Variants in PPIL1 observed in about 807,000 individuals in gnomAD.
The protein encoded by PPIL1 is peptidyl-prolyl cis-trans isomerase-like 1.
Under a neutral mutation model 19.4 loss-of-function variants are expected in PPIL1, and 14 were observed. The observed-to-expected ratio is 0.72, with a 90% CI of 0.48 to 1.13. The LOEUF is 1.13. PPIL1 is among the 50% of genes most tolerant of loss of function. PPIL1 has a pLI of 0.00. For missense variants in PPIL1, 192 were observed against 218.0 expected, an observed-to-expected ratio of 0.88 and a Z score of 0.75; for synonymous variants, 72 against 73.6, an observed-to-expected ratio of 0.98 and a Z score of 0.11.
rs115743432 is a variant in PPIL1 at position 36,856,497 on chromosome 6, G to A, written c.280+89C>T. On this transcript the variant is annotated intron_variant, in intron 3 of 3. Coordinates refer to ENST00000373699, the MANE Select transcript of PPIL1 (RefSeq NM_016059.5). ...GGGCAGCTATCTGGCACCATGCCAC[G>A]GTGTCAGGCATTCACCTTGAATCAT... is the stretch of plus-strand genomic sequence containing the variant. 2.6e-3 allele frequency: 3,071 copies of A among 1,195,762 alleles called. 38 individuals are homozygous for A. Among genetic ancestry groups the A allele is most frequent in the African/African-American group, 0.017 (1,141 of 67,266 alleles). The allele number at this position is 1,195,762 out of a possible 1,614,324, so 74.1% of individuals were successfully genotyped here.
At chr6:36,856,460 G>T in intron 3 of PPIL1, 126 bp downstream of exon 3, 1 of 839,984 alleles carries the variant, frequency 1.2e-6, no homozygotes, top group Non-Finnish European at 1.9e-6. Flanking sequence ...GGCACTTCAT[G>T]GCGCCATGGC....
In PPIL1 at chr6:36,855,563, T is replaced by G. The variant is rs1298588400; in HGVS notation, c.*250A>C. The G allele has an allele frequency of 1.9e-6, 1 of 517,654 alleles. No individual in the cohort carries two copies. The highest frequency in any genetic ancestry group is 1.9e-5 in the African/African-American group (1 of 52,072). 32.1% of individuals were successfully genotyped at this position (517,654 alleles called of 1,614,324 possible). ...AAGAAGCAGCATTATGGTTCATGTG[T>G]AGTAAGTAGTCACCTATTGATAAAC... is the stretch of plus-strand genomic sequence containing the variant. On this transcript the variant is annotated 3_prime_UTR_variant, in exon 4 of 4. Coordinates refer to ENST00000373699, the MANE Select transcript of PPIL1 (RefSeq NM_016059.5).
At chr6:36,858,073 A>AT (rs1774203869) in intron 2 of PPIL1, among the ~76,000 whole-genome samples, 1 of 151,348 alleles carries the variant, frequency 6.6e-6, no homozygotes, top group African/African-American at 2.4e-5. Context: ...TACTAAAAAT[A>AT]CAAAAAAAAA....
chr6:36,856,553 T>C (rs1774171291), intron 3 of PPIL1, 33 bp downstream of exon 3: 1 of 1,590,092 alleles, frequency 6.3e-7, no homozygotes, highest in African/African-American at 1.3e-5. Context: ...AAAATCCCCG[T>C]TCCTACCCAG....
rs145991844 is a variant in PPIL1 at position 36,855,873 on chromosome 6, T to A, written c.441A>T (p.Thr147=). ...CGTCCACAGGGCGGTCCTGGGAGTT[T>A]GTTTCTACCATTCCCACGCGATTCA... ...GMVNRVGMVE[T]NSQDRPVDDV... Residue 147 remains threonine, a synonymous_variant, in exon 4 of 4, where the codon ACA becomes ACT. Transcript: ENST00000373699. 34 of 1,614,014 alleles carry A rather than the reference T, an allele frequency of 2.1e-5. No individual in the cohort carries two copies. The African/African-American group carries it at 4.1e-4, about 20-fold the overall frequency.
intron 2 of PPIL1, chr6:36,858,423 T>C (rs185522498): frequency 1.3e-5 from 2 of 152,320 alleles, no homozygotes; most frequent in Admixed American, 1.3e-4. Context: ...AAGTAAACAC[T>C]GGATTGGTAC....
chr6:36,865,297 CCT>C (rs1774371548), intron 2 of PPIL1, among the ~76,000 whole-genome samples: 1 of 152,208 alleles, frequency 6.6e-6, no homozygotes, highest in Non-Finnish European at 1.5e-5. Context: ...CCAAATGGTC[CCT>C]GAGTCATGCT....
chr6:36,865,918 A>G (rs1268669121), intron 2 of PPIL1, among the ~76,000 whole-genome samples: 2 of 152,256 alleles, frequency 1.3e-5, no homozygotes. Context: ...TAAAATTAAC[A>G]GAGCTTGCTG....
rs1476561054 is a variant in PPIL1 at position 36,866,568 on chromosome 6, T to A, written c.211+5150A>T. ...TGAAGATCTTTTGAGTGATTCAATT[T>A]CATTAAAATTACACCATGGAAATGT... On this transcript the variant is annotated intron_variant, in intron 2 of 3. Transcript: ENST00000373699. Among the ~76,000 whole-genome samples the A allele has an allele frequency of 4.6e-5, 7 of 152,146 alleles. 1 individual carries two copies. Among genetic ancestry groups the A allele is most frequent in the Non-Finnish European group, 7.3e-5 (5 of 68,028 alleles).
chr6:36,858,570 A>T (rs1224175289), intron 2 of PPIL1: 2 of 152,214 alleles, frequency 1.3e-5, no homozygotes, highest in Non-Finnish European at 2.9e-5. Flanking sequence ...TTTACCTTTT[A>T]GTCGGCTTCA....
At chr6:36,872,754 T>G (rs1443000895) in intron 1 of PPIL1, among the ~76,000 whole-genome samples, 2 of 152,164 alleles carry the variant, frequency 1.3e-5, no homozygotes, top group Non-Finnish European at 2.9e-5. Flanking sequence ...ACTACAGGCA[T>G]GCATCACCAA....
intron 2 of PPIL1, among the ~76,000 whole-genome samples, chr6:36,859,844 T>TGTGTGTGTGTGTGTGTGTGTGTGTG (rs1554132501): frequency 1.9e-4 from 28 of 150,368 alleles, no homozygotes; most frequent in Middle Eastern, 3.4e-3. Flanking sequence ...TGTGTGTGTG[T>TGTGTGTGTGTGTGTGTGTGTGTGTG]TTTGAGACAG....
intron 2 of PPIL1, among the ~76,000 whole-genome samples, chr6:36,858,231 C>CAA (rs55719434): frequency 0.07 from 4,744 of 67,988 alleles, 235 homozygotes; most frequent in Non-Finnish European, 0.085. Context: ...AAGACTGTCT[C>CAA]AAAAAAAAAA....
chr6:36,874,702 C>T lies in PPIL1; in HGVS notation c.56+15G>A. On this transcript the variant is annotated intron_variant, in intron 1 of 3. Transcript: ENST00000373699. ...GCGTCTCCTCTGCCAGCCCCAGACGCCCGAACCCCCTCACCTGGTCTCCAA... is the reference window on the plus strand; with the variant it reads ...GCGTCTCCTCTGCCAGCCCCAGACGTCCGAACCCCCTCACCTGGTCTCCAA... 6.2e-7 allele frequency: 1 copy of T among 1,613,736 alleles called. No homozygotes were observed. Among genetic ancestry groups the T allele is most frequent in the Non-Finnish European group, 8.5e-7 (1 of 1,179,824 alleles).
At chr6:36,872,603 G>A (rs1399010817) in intron 1 of PPIL1, among the ~76,000 whole-genome samples, 2 of 151,546 alleles carry the variant, frequency 1.3e-5, no homozygotes, top group African/African-American at 4.8e-5. Flanking sequence ...TAAGCTCCAA[G>A]GATGTGACAA....
chr6:36,857,456 G>A (rs1356428356), intron 2 of PPIL1, among the ~76,000 whole-genome samples: 1 of 151,218 alleles, frequency 6.6e-6, no homozygotes, highest in Admixed American at 6.6e-5. Flanking sequence ...AGTTTGAGCT[G>A]GGCCACAGAG....
intron 2 of PPIL1, among the ~76,000 whole-genome samples, chr6:36,858,853 TAG>T (rs3839382): frequency 0.14 from 20,942 of 152,128 alleles, 1,659 homozygotes; most frequent in East Asian, 0.27. Context: ...TGGCAACCAC[TAG>T]AGAGTCAAGG....
At chr6:36,860,323 G>A (rs1471783421) in intron 2 of PPIL1, among the ~76,000 whole-genome samples, 1 of 152,040 alleles carries the variant, frequency 6.6e-6, no homozygotes, top group African/African-American at 2.4e-5. Flanking sequence ...AGGCGTGGTT[G>A]TGCGTGCCTG....
At chr6:36,869,380 G>A (rs1774462078) in intron 2 of PPIL1, among the ~76,000 whole-genome samples, 1 of 152,224 alleles carries the variant, frequency 6.6e-6, no homozygotes, top group Non-Finnish European at 1.5e-5. Context: ...CCTTCTTGCT[G>A]GTGGGGACTC....
Sources: allele counts gnomAD v4.1 joint callset (sites outside exome capture counted in the v4.1 genomes callset), GRCh38; gene constraint gnomAD v4.1.1; transcripts MANE v1.5; gene names NCBI Gene and HGNC (gene_info 2026-07-23, HGNC 2026-07-21).